Variants in SPTAN1 observed in about 807,000 individuals in gnomAD.
SPTAN1 encodes spectrin alpha chain, non-erythrocytic 1.
A neutral mutation model predicts 331.3 loss-of-function variants in SPTAN1; 61 were observed. The observed-to-expected ratio is 0.18, with a 90% CI of 0.15 to 0.23. The LOEUF (loss-of-function observed/expected upper bound fraction) is 0.23. SPTAN1 is among the 10% of genes least tolerant of loss of function. The pLI is 1.00. For missense variants in SPTAN1, 2,043 were observed against 3,147.9 expected (o/e 0.65, Z 8.40); for synonymous variants, 1,153 against 1,173.9 (o/e 0.98, Z 0.36).
intron 19 of SPTAN1, 69 bp downstream of exon 19, chr9:128,586,034 A>T (rs1417392796): frequency 1.5e-6 from 2 of 1,375,220 alleles, no homozygotes; most frequent in Middle Eastern, 2.6e-4. Context: ...GAAGGAAGTT[A>T]GGAGAAGTAG....
chr9:128,600,802 A>G (rs776926300), intron 27 of SPTAN1, among the ~76,000 whole-genome samples: 8 of 151,510 alleles, frequency 5.3e-5, no homozygotes, highest in Middle Eastern at 6.9e-3. Flanking sequence ...AGCTGGGACT[A>G]CAGGCATGTG....
rs76351026 is a variant in SPTAN1 at position 128,583,311 on chromosome 9, G to A, written c.2011+30G>A. 2,079 of 1,606,030 alleles carry A rather than the reference G, an allele frequency of 1.3e-3. 16 individuals carry two copies. The African/African-American group carries it at 0.021, about 16-fold the overall frequency. On this transcript the variant is annotated intron_variant, in intron 15 of 56. Transcript: ENST00000372739. ...GAGATGTTCCATTGAATTGTGACATGCATGTTTGGGGAACTAAATACCCCT... is the reference window on the plus strand; with the variant it reads ...GAGATGTTCCATTGAATTGTGACATACATGTTTGGGGAACTAAATACCCCT...
At chr9:128,619,783 G>A (rs189284010) in intron 44 of SPTAN1, among the ~76,000 whole-genome samples, 10 of 152,306 alleles carry the variant, frequency 6.6e-5, no homozygotes, top group Non-Finnish European at 1.3e-4. Flanking sequence ...CCCTAAATTG[G>A]TTAACTGTTG....
At chr9:128,599,406 AT>A (rs1166522788) in intron 26 of SPTAN1, 2 of 210,154 alleles carry the variant, frequency 9.5e-6, no homozygotes, top group African/African-American at 4.6e-5. Flanking sequence ...GAGTGCTGGG[AT>A]TACAGACGTG....
At chr9:128,603,896 G>C (rs1033593336) in intron 28 of SPTAN1, among the ~76,000 whole-genome samples, 2 of 152,270 alleles carry the variant, frequency 1.3e-5, no homozygotes, top group East Asian at 3.8e-4. Flanking sequence ...CTTGCCGCCT[G>C]CAGTGCGAGG....
Position 128,578,864 on chromosome 9 carries a change from A to G in SPTAN1, c.1221+619A>G, listed in dbSNP as rs114942193. Among the ~76,000 whole-genome samples, 841 of 150,342 alleles carry G rather than the reference A, an allele frequency of 5.6e-3. 9 individuals are homozygous for G. Among genetic ancestry groups the G allele is most frequent in the African/African-American group, 0.019 (790 of 40,956 alleles). ...AAAAAAAAAAAAAAAACCTTCTGAG[A>G]GGTTTTAATGTGCTAGATACAAAAT... On this transcript the variant is annotated intron_variant, in intron 9 of 56. Transcript: ENST00000372739.
chr9:128,585,600 C>A, intron 18 of SPTAN1, 148 bp from the exon 19 acceptor site: 1 of 725,030 alleles, frequency 1.4e-6, no homozygotes, highest in Non-Finnish European at 2.4e-6. Flanking sequence ...GAACCTGAGC[C>A]TCTCAAAAAA....
At chr9:128,581,156 C>A (rs1435522881) in intron 11 of SPTAN1, 97 bp downstream of exon 11, 3 of 1,520,694 alleles carry the variant, frequency 2.0e-6, no homozygotes, top group Non-Finnish European at 2.7e-6. Flanking sequence ...GACATCAGTA[C>A]CATGTTAGTT....
At chr9:128,591,390 T>G in intron 21 of SPTAN1, 87 bp from the exon 22 acceptor site, 4 of 1,571,592 alleles carry the variant, frequency 2.5e-6, no homozygotes, top group Non-Finnish European at 2.6e-6. Flanking sequence ...AAAACAACGC[T>G]CTCGTGTGTG....
In SPTAN1 at chr9:128,600,974, C is replaced by CTTTTTT. The variant is rs60290370; in HGVS notation, c.3579+881_3579+886dup. 1.5e-3 allele frequency among the ~76,000 whole-genome samples: 60 copies of CTTTTTT among 40,866 alleles called. 12 individuals are homozygous for CTTTTTT. The highest frequency in any genetic ancestry group is 4.7e-3 in the African/African-American group (53 of 11,326). The allele number at this position is 40,866 out of a possible 152,430, so 26.8% of individuals were successfully genotyped here. A position where few individuals can be genotyped will look rare whatever the true frequency, so the allele number is the denominator to read the frequency against. ...CACAGCACACAGCCAGGGAGAAAGT[C>CTTTTTT]TTTTTTTTTTTTTTTTTTTTTTTTT... On this transcript the variant is annotated intron_variant, in intron 27 of 56. Transcript: ENST00000372739.
At chr9:128,632,092 C>T (rs1406371108) in intron 52 of SPTAN1, 35 bp from the exon 53 acceptor site, 5 of 1,606,648 alleles carry the variant, frequency 3.1e-6, no homozygotes, top group African/African-American at 1.3e-5. Flanking sequence ...AGCTGAGGGC[C>T]CCCGTCTGAG....
intron 1 of SPTAN1, among the ~76,000 whole-genome samples, chr9:128,559,889 T>G (rs1312424434): frequency 6.9e-6 from 1 of 144,698 alleles, no homozygotes; most frequent in African/African-American, 2.6e-5. Flanking sequence ...CGTGCGCCAC[T>G]ATGCTTGGCT....
rs1038776406 is a variant in SPTAN1, at chr9:128,577,561, C to G, written c.1085+55C>G. ...TATCATTTGGCTTCTTTTTTGGAAG[C>G]AGGAATAGCAGAGTTAAGGGTCTGT... is the stretch of plus-strand genomic sequence containing the variant. On this transcript the variant is annotated intron_variant, in intron 8 of 56. Coordinates refer to ENST00000372739, the MANE Select transcript of SPTAN1 (RefSeq NM_001130438.3). This position sits in a 1 kb window ranked among gnomAD's most constrained non-coding sequence, Gnocchi z 4.2. 2 of 1,607,578 alleles carry G rather than the reference C, an allele frequency of 1.2e-6. No individual in the cohort carries two copies. The highest frequency in any genetic ancestry group is 2.7e-5 in the African/African-American group (2 of 74,740).
Position 128,566,736 on chromosome 9 carries a change from A to G in SPTAN1, c.-3-2A>G. Reference sequence around the variant, plus strand: ...TTATCTCAGCGCATTTTGTCATTTCAGAAAATGGACCCAAGTGGGGTCAAA... The same window carrying G: ...TTATCTCAGCGCATTTTGTCATTTCGGAAAATGGACCCAAGTGGGGTCAAA... On this transcript the variant is annotated splice_acceptor_variant, in intron 1 of 56. Transcript: ENST00000372739. LOFTEE classifies it low-confidence loss of function (5UTR_SPLICE). 6.2e-7 allele frequency: 1 copy of G among 1,614,142 alleles called. No individual in the cohort carries two copies. The highest frequency in any genetic ancestry group is 8.5e-7 in the Non-Finnish European group (1 of 1,180,028).
At chr9:128,587,491 T>G in intron 19 of SPTAN1, 115 bp from the exon 20 acceptor site, 2 of 805,010 alleles carry the variant, frequency 2.5e-6, no homozygotes, top group South Asian at 2.8e-5. Context: ...AGGAGGTGAT[T>G]ACGTCATTGT....
chr9:128,591,451 T>C (rs756687144), intron 21 of SPTAN1, 26 bp from the exon 22 acceptor site: 2 of 1,613,944 alleles, frequency 1.2e-6, no homozygotes, highest in Admixed American at 1.7e-5. Context: ...GGAATTTACT[T>C]TCAGTTCTCC....
At chr9:128,602,466 C>T (rs953211954) in intron 27 of SPTAN1, among the ~76,000 whole-genome samples, 3 of 151,930 alleles carry the variant, frequency 2.0e-5, no homozygotes, top group Admixed American at 2.0e-4. Context: ...ATCCACCCGC[C>T]TTGGCCTCCC....
chr9:128,584,409 T>A lies in SPTAN1; in HGVS notation c.2321T>A (p.Val774Asp). The A allele has an allele frequency of 6.2e-7, 1 of 1,614,094 alleles. No individual in the cohort carries two copies. The highest frequency in any genetic ancestry group is 8.5e-7 in the Non-Finnish European group (1 of 1,180,002). The part of the protein sequence containing the change: ...ARYEALKEPM[V>D]ARKQKLADSL... ...TATGAGGCACTCAAGGAGCCCATGG[T>A]TGCCCGGAAGCAGAAGCTGGCCGAT... Residue 774 changes from valine (V) to aspartate (D), a missense_variant, in exon 17 of 57, where the codon GTT becomes GAT. By Grantham distance (152) the Val-to-Asp change is radical. This residue lies in a region of SPTAN1 where 1,038 missense variants were observed against 1,531.5 expected (regional missense o/e 0.68). Coordinates refer to ENST00000372739, the MANE Select transcript of SPTAN1 (RefSeq NM_001130438.3).
chr9:128,561,645 A>G (rs1340448645), intron 1 of SPTAN1, among the ~76,000 whole-genome samples: 2 of 111,034 alleles, frequency 1.8e-5, no homozygotes, highest in Admixed American at 1.1e-4. Context: ...CCTGGGCAAC[A>G]GAGCGAGACT....
Sources: allele counts gnomAD v4.1 joint callset (sites outside exome capture counted in the v4.1 genomes callset), GRCh38; gene constraint gnomAD v4.1.1; regional missense constraint gnomAD v4.1.1; non-coding constraint Gnocchi (gnomAD v3.1); transcripts MANE v1.5; gene names NCBI Gene and HGNC (gene_info 2026-07-23, HGNC 2026-07-21).